Variants in SGIP1 observed in about 807,000 individuals in gnomAD.
The protein encoded by SGIP1 is SH3-containing GRB2-like protein 3-interacting protein 1.
In SGIP1, 38 loss-of-function variants were observed where a neutral mutation model predicts 107.5. The observed-to-expected ratio is 0.35, with a 90% CI of 0.27 to 0.46. The LOEUF is 0.46. SGIP1 is among the 20% of genes least tolerant of loss of function. The pLI, the probability that SGIP1 is intolerant of heterozygous loss-of-function variation, is 1.00. For synonymous variants in SGIP1, 365 were observed against 366.1 expected (o/e 1.00, Z 0.03); for missense variants, 929 against 1,019.5 (o/e 0.91, Z 1.21).
chr1:66,742,205 C>T (rs1046276400), intron 24 of SGIP1, among the ~76,000 whole-genome samples: 5 of 152,084 alleles, frequency 3.3e-5, no homozygotes, highest in African/African-American at 1.2e-4. Flanking sequence ...ATCTAGGCCA[C>T]AGATCAAAAC....
chr1:66,695,271 A>AAAAAATT, intron 17 of SGIP1, 163 bp from the exon 18 acceptor site: 2 of 1,325,974 alleles, frequency 1.5e-6, no homozygotes, highest in Non-Finnish European at 2.0e-6. Context: ...AAAAAAAAAA[A>AAAAAATT]GTGTAGATTG....
intron 5 of SGIP1, among the ~76,000 whole-genome samples, chr1:66,640,147 G>A (rs535459736): frequency 1.3e-5 from 2 of 152,258 alleles, no homozygotes; most frequent in South Asian, 2.1e-4. Flanking sequence ...GCCTAGGGAA[G>A]CCAAAAGATT....
intron 7 of SGIP1, among the ~76,000 whole-genome samples, chr1:66,644,614 C>T (rs747148539): frequency 7.2e-5 from 11 of 152,098 alleles, no homozygotes; most frequent in Non-Finnish European, 1.3e-4. Context: ...AAATGCTGAA[C>T]CATTTTCGAG....
intron 9 of SGIP1, among the ~76,000 whole-genome samples, chr1:66,670,609 C>T (rs2083544437): frequency 6.6e-6 from 1 of 152,210 alleles, no homozygotes; most frequent in African/African-American, 2.4e-5. Context: ...GCATGCACTA[C>T]TCCTAAACAC....
At chr1:66,645,623 C>T (rs1027160456) in intron 7 of SGIP1, among the ~76,000 whole-genome samples, 2 of 152,084 alleles carry the variant, frequency 1.3e-5, no homozygotes, top group Non-Finnish European at 1.5e-5. Flanking sequence ...AATGTGAGAA[C>T]CTGGATCTCC....
rs921354818 is a variant in SGIP1, at chr1:66,743,925, G to A, written c.*830G>A. On this transcript the variant is annotated 3_prime_UTR_variant, in exon 25 of 25. Transcript: ENST00000371037. Reference sequence around the variant, plus strand: ...CCTCTCTACAGTTTCGCAAATGTGGGGATTGCTGAATAATCAGTCAGACTA... The same window carrying A: ...CCTCTCTACAGTTTCGCAAATGTGGAGATTGCTGAATAATCAGTCAGACTA... The A allele has an allele frequency of 6.6e-6, 1 of 152,276 alleles. No individual in the cohort carries two copies. The highest frequency in any genetic ancestry group is 2.4e-5 in the African/African-American group (1 of 41,384). 9.4% of individuals were successfully genotyped at this position (152,276 alleles called of 1,614,324 possible).
At chr1:66,617,548 G>A (rs1299427308) in intron 1 of SGIP1, among the ~76,000 whole-genome samples, 1 of 152,102 alleles carries the variant, frequency 6.6e-6, no homozygotes, top group Non-Finnish European at 1.5e-5. Context: ...TTGTGCCCAG[G>A]GCAATTAAAT....
chr1:66,590,743 G>T (rs1378999462), intron 1 of SGIP1: 1 of 152,208 alleles, frequency 6.6e-6, no homozygotes, highest in Non-Finnish European at 1.5e-5. Context: ...ATCTGAAAAG[G>T]TATGCACCAC....
At chr1:66,545,263 G>C (rs78628165) in intron 1 of SGIP1, among the ~76,000 whole-genome samples, 1,958 of 152,256 alleles carry the variant, frequency 0.013, 45 homozygotes, top group African/African-American at 0.045. Context: ...TCTCTCACTG[G>C]CCCAGCCAGA....
intron 1 of SGIP1, among the ~76,000 whole-genome samples, chr1:66,613,778 A>T (rs1382029880): frequency 6.6e-6 from 1 of 152,200 alleles, no homozygotes; most frequent in East Asian, 1.9e-4. Context: ...GGTAACAGTG[A>T]CCTAATGGAA....
chr1:66,671,491 G>A (rs2083797033), intron 10 of SGIP1, among the ~76,000 whole-genome samples: 1 of 152,190 alleles, frequency 6.6e-6, no homozygotes, highest in African/African-American at 2.4e-5. Flanking sequence ...ACACTTCCTA[G>A]GAAATTCTAA....
chr1:66,534,710 A>G (rs763289417), intron 1 of SGIP1, among the ~76,000 whole-genome samples: 6 of 152,236 alleles, frequency 3.9e-5, no homozygotes, highest in East Asian at 1.9e-4. Context: ...CTGGGACTAC[A>G]CTGATTAAAC....
intron 1 of SGIP1, among the ~76,000 whole-genome samples, chr1:66,614,947 G>A (rs1351305634): frequency 6.7e-6 from 1 of 148,340 alleles, no homozygotes; most frequent in Non-Finnish European, 1.5e-5. Flanking sequence ...AGCCTCCCAA[G>A]TAGCTGGGAT....
intron 1 of SGIP1, among the ~76,000 whole-genome samples, chr1:66,618,770 G>A (rs995786928): frequency 9.2e-5 from 14 of 152,236 alleles, no homozygotes; most frequent in African/African-American, 3.4e-4. Context: ...TGATTACAGA[G>A]AGAGAATTAA....
chr1:66,657,141 G>A (rs984630705), intron 7 of SGIP1, among the ~76,000 whole-genome samples: 11 of 152,190 alleles, frequency 7.2e-5, no homozygotes, highest in Admixed American at 2.0e-4. Flanking sequence ...ACACCACTGC[G>A]CTTCAGCCTG....
intron 7 of SGIP1, chr1:66,660,000 C>T (rs12120265): frequency 2.4e-5 from 1 of 41,118 alleles, no homozygotes; most frequent in Non-Finnish European, 3.9e-5. Flanking sequence ...GAAAGAAAGA[C>T]AGACAGACAG....
chr1:66,710,748 G>A (rs2092860375), intron 18 of SGIP1, among the ~76,000 whole-genome samples: 1 of 152,162 alleles, frequency 6.6e-6, no homozygotes, highest in Non-Finnish European at 1.5e-5. Context: ...CATGAAGTCA[G>A]TGAAACTGAT....
chr1:66,700,030 C>T (rs1264247928), intron 18 of SGIP1, among the ~76,000 whole-genome samples: 2 of 152,128 alleles, frequency 1.3e-5, no homozygotes, highest in Non-Finnish European at 1.5e-5. Flanking sequence ...GATGCAGAAA[C>T]TGAGATTCAG....
chr1:66,640,920 C>G (rs369251750), intron 5 of SGIP1, among the ~76,000 whole-genome samples: 2 of 151,722 alleles, frequency 1.3e-5, no homozygotes, highest in African/African-American at 4.8e-5. Context: ...TAAAAAGAAG[C>G]CAAATATGGG....
Sources: allele counts gnomAD v4.1 joint callset (sites outside exome capture counted in the v4.1 genomes callset), GRCh38; gene constraint gnomAD v4.1.1; transcripts MANE v1.5; gene names NCBI Gene and HGNC (gene_info 2026-07-23, HGNC 2026-07-21).